Variants in KDM7A observed in about 807,000 individuals in gnomAD.
The protein encoded by KDM7A is lysine-specific demethylase 7A.
KDM7A carries 28 observed loss-of-function variants against 114.8 expected under a neutral mutation model. The ratio of observed to expected loss-of-function variants is 0.24; its 90% CI spans 0.18 to 0.33. KDM7A has a LOEUF of 0.33. KDM7A is among the 10% of genes least tolerant of loss of function. KDM7A has a pLI of 1.00. For missense variants in KDM7A, 942 were observed against 1,142.5 expected (o/e 0.82, Z 2.53); for synonymous variants, 423 against 397.8 (o/e 1.06, Z -0.75).
At chr7:140,175,639 C>T (rs1316613193) in intron 1 of KDM7A, among the ~76,000 whole-genome samples, 21 of 152,238 alleles carry the variant, frequency 1.4e-4, no homozygotes, top group Admixed American at 1.4e-3. Flanking sequence ...TGTGGCGCCG[C>T]CCTTTATTAG....
chr7:140,169,479 G>C (rs1794614562), intron 1 of KDM7A, among the ~76,000 whole-genome samples: 2 of 152,098 alleles, frequency 1.3e-5, no homozygotes, highest in African/African-American at 4.8e-5. Context: ...GAAAAATACA[G>C]AACAGGAGAG....
chr7:140,171,624 TATAA>T (rs1192315764), intron 1 of KDM7A, among the ~76,000 whole-genome samples: 1 of 146,452 alleles, frequency 6.8e-6, no homozygotes, highest in Non-Finnish European at 1.5e-5. Context: ...TTTACATATT[TATAA>T]ATATATATTT....
At position 140,146,490 on chromosome 7, in the gene KDM7A, G is replaced by A. The variant is rs1044143121; in HGVS notation, c.195-7300C>T. Among the ~76,000 whole-genome samples, 7 of 152,186 alleles carry A rather than the reference G, an allele frequency of 4.6e-5. 1 individual carries two copies. The highest frequency in any genetic ancestry group is 2.6e-4 in the Admixed American group (4 of 15,280). ...TAGGACACACAAAGAGCACAACTCT[G>A]AAAGCAAATTTTCTAAGGATCACTT... On this transcript the variant is annotated intron_variant, in intron 1 of 19. Transcript: ENST00000397560.
In KDM7A at chr7:140,114,537, G is replaced by A. The variant is rs549739794; in HGVS notation, c.1247-955C>T. Among the ~76,000 whole-genome samples the A allele has an allele frequency of 2.7e-3, 411 of 150,514 alleles. 2 individuals carry two copies. Among genetic ancestry groups the A allele is most frequent in the African/African-American group, 8.8e-3 (362 of 41,216 alleles). ...TCGCTACAACCTCCACCTCCCAGCC[G>A]CCTGCCTTGGCCTCCCAAAGTGCCG... On this transcript the variant is annotated intron_variant, in intron 9 of 19. Coordinates refer to ENST00000397560, the MANE Select transcript of KDM7A (RefSeq NM_030647.2).
In KDM7A at chr7:140,086,604, A is replaced by C. The variant is rs1272587771; in HGVS notation, c.*4490T>G. ...CGTTCAACAGCAACAGAATGAGAAA[A>C]TTAATTCTTCCCCTTTCTTTCCACC... is the stretch of plus-strand genomic sequence containing the variant. On this transcript the variant is annotated 3_prime_UTR_variant, in exon 20 of 20. Transcript: ENST00000397560. 2.6e-5 allele frequency: 4 copies of C among 152,302 alleles called. No homozygotes were observed. The highest frequency in any genetic ancestry group is 2.6e-4 in the Admixed American group (4 of 15,294). The allele number at this position is 152,302 out of a possible 1,614,324, so 9.4% of individuals were successfully genotyped here. A position where few individuals can be genotyped will look rare whatever the true frequency, so the allele number is the denominator to read the frequency against.
chr7:140,140,787 G>A (rs1275152203), intron 1 of KDM7A, among the ~76,000 whole-genome samples: 15 of 151,076 alleles, frequency 9.9e-5, no homozygotes, highest in Admixed American at 9.9e-4. Context: ...TATTACTACT[G>A]AATACTATTC....
chr7:140,099,836 T>C, intron 13 of KDM7A, 63 bp downstream of exon 13: 1 of 1,508,296 alleles, frequency 6.6e-7, no homozygotes, highest in Non-Finnish European at 9.2e-7. Context: ...ACCACTGGGT[T>C]AAATGAACAA....
intron 2 of KDM7A, among the ~76,000 whole-genome samples, chr7:140,135,289 C>T (rs1360785998): frequency 2.6e-5 from 4 of 151,374 alleles, no homozygotes; most frequent in Non-Finnish European, 4.4e-5. Context: ...TTGCAACCTC[C>T]GCCTCCCAGG....
Position 140,139,043 on chromosome 7 carries a change from T to C in KDM7A, c.280+62A>G, listed in dbSNP as rs931563735. 6.9e-6 allele frequency: 7 copies of C among 1,018,582 alleles called. No individual in the cohort carries two copies. The East Asian group carries it at 9.5e-5, about 14-fold the overall frequency. 63.1% of individuals were successfully genotyped at this position (1,018,582 alleles called of 1,614,324 possible). A position where few individuals can be genotyped will look rare whatever the true frequency, so the allele number is the denominator to read the frequency against. On this transcript the variant is annotated intron_variant, in intron 2 of 19. Transcript: ENST00000397560. ...TATCATTAAAGTATTACCATGTACA[T>C]GTAAGTTTGAAATGTCAGTTTTTCT...
At position 140,174,379 on chromosome 7, in the gene KDM7A, G is replaced by A. The variant is rs1343440866; in HGVS notation, c.194+2365C>T. On this transcript the variant is annotated intron_variant, in intron 1 of 19. Coordinates refer to ENST00000397560, the MANE Select transcript of KDM7A (RefSeq NM_030647.2). ...ACACAAATTTATGTGTCAAAGCAGA[G>A]AGGGCATATTTGTTTTGGCCTTGCT... Among the ~76,000 whole-genome samples the A allele has an allele frequency of 3.9e-5, 6 of 152,072 alleles. No individual in the cohort carries two copies. The South Asian group carries it at 8.3e-4, about 21-fold the overall frequency.
chr7:140,171,984 G>A (rs1794647885), intron 1 of KDM7A, among the ~76,000 whole-genome samples: 1 of 152,174 alleles, frequency 6.6e-6, no homozygotes, highest in Non-Finnish European at 1.5e-5. Flanking sequence ...ACAGGCTTGG[G>A]TATGTCTTTT....
rs1054290653 is a variant in KDM7A at position 140,088,087 on chromosome 7, T to C, written c.*3007A>G. The C allele has an allele frequency of 6.4e-6, 1 of 155,548 alleles. No individual in the cohort carries two copies. The highest frequency in any genetic ancestry group is 1.4e-5 in the Non-Finnish European group (1 of 70,372). 9.6% of individuals were successfully genotyped at this position (155,548 alleles called of 1,614,324 possible). A position where few individuals can be genotyped will look rare whatever the true frequency, so the allele number is the denominator to read the frequency against. ...GGCAATAATTAGGATTATTTAAAAATAGAAAAGTATTCAAGCTAAGTAATT... is the reference window on the plus strand; with the variant it reads ...GGCAATAATTAGGATTATTTAAAAACAGAAAAGTATTCAAGCTAAGTAATT... On this transcript the variant is annotated 3_prime_UTR_variant, in exon 20 of 20. Transcript: ENST00000397560.
chr7:140,092,401 C>T (rs954715636), intron 18 of KDM7A, among the ~76,000 whole-genome samples: 2 of 152,180 alleles, frequency 1.3e-5, no homozygotes, highest in South Asian at 2.1e-4. Context: ...GGGAATGGAT[C>T]GATCTCCCAC....
chr7:140,176,738 A>T lies in KDM7A; in HGVS notation c.194+6T>A, dbSNP rs1399412855. 2 of 1,324,348 alleles carry T rather than the reference A, an allele frequency of 1.5e-6. No homozygotes were observed. Among genetic ancestry groups the T allele is most frequent in the Non-Finnish European group, 9.9e-7 (1 of 1,009,624 alleles). 82.0% of individuals were successfully genotyped at this position (1,324,348 alleles called of 1,614,324 possible). On this transcript the variant is annotated splice_donor_region_variant and intron_variant, in intron 1 of 19. Transcript: ENST00000397560. The surrounding 1 kb of genome is among the most constrained non-coding windows in gnomAD (Gnocchi z 4.4). ...GCGGCTGCGGGGCTGGAGGGGGTTT[A>T]TTTACCTGCCGTGGAACCAGTCCTT...
intron 1 of KDM7A, among the ~76,000 whole-genome samples, chr7:140,155,858 C>T (rs1396860641): frequency 1.3e-5 from 2 of 152,178 alleles, no homozygotes; most frequent in African/African-American, 2.4e-5. Context: ...AAGAATACTA[C>T]ACTATTTAAA....
chr7:140,094,510 A>G (rs566278290), intron 17 of KDM7A, among the ~76,000 whole-genome samples: 56 of 148,106 alleles, frequency 3.8e-4, no homozygotes, highest in Middle Eastern at 3.4e-3. Flanking sequence ...ATCTTGGGGG[A>G]AAAAAAAAAA....
chr7:140,127,955 G>A (rs1818732523), intron 4 of KDM7A, among the ~76,000 whole-genome samples: 1 of 152,050 alleles, frequency 6.6e-6, no homozygotes, highest in Admixed American at 6.6e-5. Context: ...AGTTTTCTCA[G>A]GCATAAAATG....
chr7:140,093,801 G>A (rs1014189325), intron 18 of KDM7A, among the ~76,000 whole-genome samples: 29 of 152,132 alleles, frequency 1.9e-4, no homozygotes, highest in African/African-American at 6.5e-4. Context: ...TACATGGGTT[G>A]GCAGCCAGTG....
At chr7:140,158,375 C>A (rs980292930) in intron 1 of KDM7A, among the ~76,000 whole-genome samples, 2 of 151,982 alleles carry the variant, frequency 1.3e-5, no homozygotes, top group African/African-American at 4.8e-5. Flanking sequence ...TGAAGGTAAG[C>A]GAACAGGATT....
Sources: allele counts gnomAD v4.1 joint callset (sites outside exome capture counted in the v4.1 genomes callset), GRCh38; gene constraint gnomAD v4.1.1; non-coding constraint Gnocchi (gnomAD v3.1); transcripts MANE v1.5; gene names NCBI Gene and HGNC (gene_info 2026-07-23, HGNC 2026-07-21).